The following SUSD6 variants were observed in gnomAD, a reference collection of about 807,000 sequenced individuals.
SUSD6 encodes the protein sushi domain containing 6.
Under a neutral mutation model 28.4 loss-of-function variants are expected in SUSD6, and 16 were observed. That is an observed-to-expected ratio of 0.56 (90% CI 0.38 to 0.86). SUSD6 has a LOEUF of 0.86. Among genes scored for constraint, SUSD6 ranks in the 40% least tolerant of loss-of-function variants. SUSD6 has a pLI of 0.00. For missense variants in SUSD6, 341 were observed against 384.2 expected (o/e 0.89, Z 0.94); for synonymous variants, 147 against 159.6 (o/e 0.92, Z 0.59).
chr14:69,703,648 A>G, intron 3 of SUSD6, 56 bp downstream of exon 3: 3 of 1,519,434 alleles, frequency 2.0e-6, no homozygotes, highest in Non-Finnish European at 1.8e-6. Flanking sequence ...CTGTTAACTC[A>G]CAGGATGCAA....
At chr14:69,624,629 A>G (rs1454583339) in intron 1 of SUSD6, among the ~76,000 whole-genome samples, 3 of 151,714 alleles carry the variant, frequency 2.0e-5, no homozygotes, top group African/African-American at 4.8e-5. Context: ...ATTTTTTTGT[A>G]TTTTTAGTAG....
chr14:69,646,936 C>T (rs1043019940), intron 1 of SUSD6, among the ~76,000 whole-genome samples: 1 of 152,046 alleles, frequency 6.6e-6, no homozygotes, highest in African/African-American at 2.4e-5. Flanking sequence ...CTCCTGACCT[C>T]GTGATCCGCC....
intron 2 of SUSD6, among the ~76,000 whole-genome samples, chr14:69,660,208 C>G (rs111508580): frequency 2.0e-3 from 304 of 152,296 alleles, no homozygotes; most frequent in African/African-American, 7.2e-3. Flanking sequence ...CTCCCACCAC[C>G]CACTTATCCA....
chr14:69,632,774 A>G (rs1885214472), intron 1 of SUSD6, among the ~76,000 whole-genome samples: 1 of 152,138 alleles, frequency 6.6e-6, no homozygotes, highest in Non-Finnish European at 1.5e-5. Flanking sequence ...GAGCCAAAGC[A>G]TTGCCTGAAG....
At chr14:69,690,647 A>G (rs1252550240) in intron 2 of SUSD6, among the ~76,000 whole-genome samples, 1 of 152,122 alleles carries the variant, frequency 6.6e-6, no homozygotes, top group South Asian at 2.1e-4. Flanking sequence ...GAGAAGTGCA[A>G]AGGAAACCAA....
chr14:69,614,445 C>G (rs190175084), intron 1 of SUSD6, among the ~76,000 whole-genome samples: 2 of 152,320 alleles, frequency 1.3e-5, no homozygotes, highest in Admixed American at 6.5e-5. Flanking sequence ...GCAGCAATTC[C>G]TGCAGCAGCC....
intron 2 of SUSD6, among the ~76,000 whole-genome samples, chr14:69,702,754 A>G (rs144556379): frequency 1.3e-5 from 2 of 152,350 alleles, no homozygotes; most frequent in African/African-American, 4.8e-5. Flanking sequence ...GCTGTCTCAC[A>G]GAGTTGTCAG....
At chr14:69,630,237 A>G (rs1450917832) in intron 1 of SUSD6, among the ~76,000 whole-genome samples, 1 of 152,226 alleles carries the variant, frequency 6.6e-6, no homozygotes, top group African/African-American at 2.4e-5. Flanking sequence ...GCAGGTAAGT[A>G]GCAGAGCCAG....
intron 2 of SUSD6, among the ~76,000 whole-genome samples, chr14:69,669,141 G>A (rs1183941711): frequency 7.3e-6 from 1 of 137,450 alleles, no homozygotes; most frequent in Non-Finnish European, 1.5e-5. Context: ...TCGGCTCACT[G>A]CAACCTCCAC....
chr14:69,669,794 A>G (rs1885802885), intron 2 of SUSD6, among the ~76,000 whole-genome samples: 2 of 151,592 alleles, frequency 1.3e-5, no homozygotes, highest in Admixed American at 6.5e-5. Context: ...TGAAGGAAGG[A>G]GAGTGGGCTT....
intron 1 of SUSD6, among the ~76,000 whole-genome samples, chr14:69,636,597 ATCTC>A (rs1885269486): frequency 6.6e-6 from 1 of 152,232 alleles, no homozygotes; most frequent in South Asian, 2.1e-4. Flanking sequence ...CACAGAGCCT[ATCTC>A]CGGTACTGCC....
intron 2 of SUSD6, among the ~76,000 whole-genome samples, chr14:69,701,528 G>A (rs900280894): frequency 1.1e-4 from 16 of 152,216 alleles, no homozygotes; most frequent in Non-Finnish European, 8.8e-5. Flanking sequence ...AAGAGGGAAA[G>A]TGTAAAGGCT....
intron 1 of SUSD6, among the ~76,000 whole-genome samples, chr14:69,656,592 T>C (rs935520346): frequency 5.3e-5 from 8 of 152,226 alleles, no homozygotes; most frequent in Admixed American, 6.5e-5. Context: ...GTGCAGGTCT[T>C]ATTAATGATT....
rs1023998210 is a variant in SUSD6 at position 69,711,340 on chromosome 14, G to A, written c.*361G>A. The A allele has an allele frequency of 3.2e-6, 1 of 315,684 alleles. No individual in the cohort carries two copies. The highest frequency in any genetic ancestry group is 6.0e-6 in the Non-Finnish European group (1 of 166,866). 19.6% of individuals were successfully genotyped at this position (315,684 alleles called of 1,614,324 possible). ...AGCTCCTGTGGGCCTGAGTGCTGCTGTGTTTACTTGTGCCTTTCCCCCACC... is the reference window on the plus strand; with the variant it reads ...AGCTCCTGTGGGCCTGAGTGCTGCTATGTTTACTTGTGCCTTTCCCCCACC... On this transcript the variant is annotated 3_prime_UTR_variant, in exon 6 of 6. Coordinates refer to ENST00000342745, the MANE Select transcript of SUSD6 (RefSeq NM_014734.4).
intron 1 of SUSD6, among the ~76,000 whole-genome samples, chr14:69,647,811 C>G (rs915946947): frequency 3.3e-5 from 5 of 152,160 alleles, no homozygotes; most frequent in Admixed American, 6.5e-5. Context: ...ATGGTGAAAC[C>G]CTGTCTCTAC....
intron 2 of SUSD6, among the ~76,000 whole-genome samples, chr14:69,683,608 TC>T (rs1230863202): frequency 5.3e-5 from 8 of 152,122 alleles, no homozygotes; most frequent in Non-Finnish European, 1.2e-4. Flanking sequence ...GAGGCCATGA[TC>T]ATGGGTGAGT....
chr14:69,702,408 T>G (rs1047859371), intron 2 of SUSD6, among the ~76,000 whole-genome samples: 6 of 152,140 alleles, frequency 3.9e-5, no homozygotes, highest in Admixed American at 3.9e-4. Context: ...GAGGTTGTCC[T>G]TTTCCTCCTC....
At chr14:69,709,221 C>A in intron 5 of SUSD6, 117 bp downstream of exon 5, 1 of 966,194 alleles carries the variant, frequency 1.0e-6, no homozygotes, top group Non-Finnish European at 1.5e-6. Context: ...AAAGATAGTA[C>A]CTGGGGTATT....
chr14:69,700,148 C>G (rs1886293569), intron 2 of SUSD6, among the ~76,000 whole-genome samples: 1 of 152,186 alleles, frequency 6.6e-6, no homozygotes, highest in Non-Finnish European at 1.5e-5. Context: ...CCTGTGCAAG[C>G]TTCCAGCTTG....
Sources: allele counts gnomAD v4.1 joint callset (sites outside exome capture counted in the v4.1 genomes callset), GRCh38; gene constraint gnomAD v4.1.1; transcripts MANE v1.5; gene names NCBI Gene and HGNC (gene_info 2026-07-23, HGNC 2026-07-21).